The following C12orf42 variants were observed in gnomAD, a reference collection of about 807,000 sequenced individuals.
C12orf42 encodes the protein chromosome 12 open reading frame 42.
Under a neutral mutation model 21.6 loss-of-function variants are expected in C12orf42, and 25 were observed. The ratio of observed to expected loss-of-function variants is 1.16; its 90% CI spans 0.84 to 1.62. The LOEUF is 1.62. C12orf42 is among the 40% of genes most tolerant of loss of function. The pLI, the probability that C12orf42 is intolerant of heterozygous loss-of-function variation, is 0.00. For missense variants in C12orf42, 483 were observed against 459.3 expected (o/e 1.05, Z -0.47); for synonymous variants, 174 against 175.0 (o/e 0.99, Z 0.05).
intron 1 of C12orf42, among the ~76,000 whole-genome samples, chr12:103,492,973 A>G (rs1955276910): frequency 6.6e-6 from 1 of 152,120 alleles, no homozygotes; most frequent in African/African-American, 2.4e-5. Context: ...TCTAAAGTAG[A>G]TCCTAAATCC....
At chr12:103,062,771 G>A in the C12orf42 span, among the ~76,000 whole-genome samples, 4 of 151,854 alleles carry the variant, frequency 2.6e-5, no homozygotes, top group Non-Finnish European at 5.9e-5. Context: ...TTAAATCTGC[G>A]GCTTGAAGTC....
chr12:103,225,979 G>A, the C12orf42 span, among the ~76,000 whole-genome samples: 1 of 152,234 alleles, frequency 6.6e-6, no homozygotes, highest in Non-Finnish European at 1.5e-5. Flanking sequence ...GAAGGAGTCA[G>A]TCAGAGAGCC....
intron 1 of C12orf42, among the ~76,000 whole-genome samples, chr12:103,486,067 G>T (rs1954810129): frequency 6.6e-6 from 1 of 152,194 alleles, no homozygotes; most frequent in Admixed American, 6.5e-5. Flanking sequence ...CAAAGGGAAT[G>T]CTTCCAGTTT....
At chr12:103,146,843 C>T in the C12orf42 span, among the ~76,000 whole-genome samples, 1 of 152,132 alleles carries the variant, frequency 6.6e-6, no homozygotes, top group African/African-American at 2.4e-5. Context: ...TTGCATAAAC[C>T]ACTGGGTAAT....
the C12orf42 span, among the ~76,000 whole-genome samples, chr12:103,114,597 A>G: frequency 6.6e-6 from 1 of 152,164 alleles, no homozygotes; most frequent in Non-Finnish European, 1.5e-5. Context: ...TCATGTGGGC[A>G]AGTTAGTTAC....
At chr12:103,185,336 C>G in the C12orf42 span, among the ~76,000 whole-genome samples, 1 of 152,160 alleles carries the variant, frequency 6.6e-6, no homozygotes, top group Non-Finnish European at 1.5e-5. Context: ...CAAAGAGTCA[C>G]AGGTACTTCA....
chr12:103,332,152 C>T (rs753266000), intron 4 of C12orf42, among the ~76,000 whole-genome samples: 44 of 152,286 alleles, frequency 2.9e-4, no homozygotes, highest in Middle Eastern at 3.4e-3. Context: ...TGGGGAGTGA[C>T]TGTTCACTGA....
intron 2 of C12orf42, among the ~76,000 whole-genome samples, chr12:103,419,312 G>T (rs2049656015): frequency 6.6e-6 from 1 of 152,128 alleles, no homozygotes; most frequent in Non-Finnish European, 1.5e-5. Flanking sequence ...TTAAGCAAAG[G>T]TGTAAATTTT....
At chr12:103,081,327 C>A in the C12orf42 span, 1 of 152,190 alleles carries the variant, frequency 6.6e-6, no homozygotes, top group Non-Finnish European at 1.5e-5. Flanking sequence ...TCGAAAATCG[C>A]TCTTGGAGTC....
At chr12:103,332,829 G>A (rs1180296555) in intron 4 of C12orf42, among the ~76,000 whole-genome samples, 1 of 152,222 alleles carries the variant, frequency 6.6e-6, no homozygotes, top group African/African-American at 2.4e-5. Context: ...CCAATGTCCT[G>A]CAAATCCTAA....
chr12:103,396,290 C>T (rs574179085), intron 3 of C12orf42, among the ~76,000 whole-genome samples: 1 of 152,194 alleles, frequency 6.6e-6, no homozygotes, highest in East Asian at 1.9e-4. Flanking sequence ...CTTGCACTCT[C>T]TCTCCTGACA....
At chr12:103,224,953 G>A in the C12orf42 span, among the ~76,000 whole-genome samples, 293 of 152,288 alleles carry the variant, frequency 1.9e-3, 1 homozygote, top group African/African-American at 6.3e-3. Flanking sequence ...GGGAAAGCAC[G>A]TACGTTTTTA....
At chr12:103,224,614 A>G in the C12orf42 span, among the ~76,000 whole-genome samples, 193 of 152,372 alleles carry the variant, frequency 1.3e-3, 3 homozygotes, top group East Asian at 0.021. Context: ...TTAAAGAGTG[A>G]GTACAGCTGA....
At chr12:103,328,530 C>T (rs2040916232) in intron 4 of C12orf42, among the ~76,000 whole-genome samples, 1 of 152,220 alleles carries the variant, frequency 6.6e-6, no homozygotes, top group African/African-American at 2.4e-5. Context: ...GTACGTCCTT[C>T]ACCATTTCTT....
intron 2 of C12orf42, among the ~76,000 whole-genome samples, chr12:103,402,522 A>C (rs1319849217): frequency 6.6e-6 from 1 of 152,222 alleles, no homozygotes; most frequent in Non-Finnish European, 1.5e-5. Context: ...ACAGACCCCC[A>C]AAAAATCTGT....
chr12:103,344,904 T>C (rs1205413456), intron 4 of C12orf42, among the ~76,000 whole-genome samples: 1 of 152,204 alleles, frequency 6.6e-6, no homozygotes, highest in African/African-American at 2.4e-5. Flanking sequence ...GGTTCCAGTA[T>C]AGGACAGCTA....
the C12orf42 span, among the ~76,000 whole-genome samples, chr12:103,201,663 C>T: frequency 2.0e-5 from 3 of 152,114 alleles, no homozygotes; most frequent in Non-Finnish European, 4.4e-5. Flanking sequence ...GATAATTGCT[C>T]TCAATTGGCC....
chr12:103,150,044 G>A, the C12orf42 span, among the ~76,000 whole-genome samples: 1 of 151,946 alleles, frequency 6.6e-6, no homozygotes, highest in East Asian at 1.9e-4. Context: ...TTTCCAGTTA[G>A]CTCAAATCTA....
chr12:103,116,645 G>A, the C12orf42 span, among the ~76,000 whole-genome samples: 1 of 152,118 alleles, frequency 6.6e-6, no homozygotes, highest in East Asian at 1.9e-4. Context: ...AACATTTGCT[G>A]CTGCATGGAG....
Sources: allele counts gnomAD v4.1 joint callset (sites outside exome capture counted in the v4.1 genomes callset), GRCh38; gene constraint gnomAD v4.1.1; transcripts MANE v1.5; gene names NCBI Gene and HGNC (gene_info 2026-07-23, HGNC 2026-07-21).